VAT1L: variants seen among roughly 807,000 people sequenced by gnomAD.
VAT1L encodes the protein vesicle amine transport 1 like.
Under a neutral mutation model 44.1 loss-of-function variants are expected in VAT1L, and 34 were observed. The observed-to-expected ratio is 0.77, with a 90% confidence interval of 0.59 to 1.03. VAT1L has a LOEUF of 1.03. Ranked by LOEUF, VAT1L falls within the 50% of genes least tolerant of loss-of-function variation. VAT1L has a pLI of 0.00. For missense variants in VAT1L, 615 were observed against 538.8 expected (o/e 1.14, Z -1.40); for synonymous variants, 253 against 202.2 (o/e 1.25, Z -2.13).
rs182039705 is a variant in VAT1L at position 77,803,078 on chromosome 16, C to T, written c.234-13843C>T. Among the ~76,000 whole-genome samples, 543 of 152,260 alleles carry T rather than the reference C, an allele frequency of 3.6e-3. 7 individuals are homozygous for T. Among genetic ancestry groups the T allele is most frequent in the Non-Finnish European group, 8.8e-4 (60 of 68,022 alleles). ...TATTGTTTGCCAGCCTTTAATGTGC[C>T]CTGTGCTAAGCACTGAACATTGAAA... On this transcript the variant is annotated intron_variant, in intron 1 of 8. Transcript: ENST00000302536.
At chr16:77,825,530 A>G (rs1178653749) in intron 3 of VAT1L, 69 bp downstream of exon 3, 18 of 1,506,758 alleles carry the variant, frequency 1.2e-5, no homozygotes, top group Non-Finnish European at 1.4e-5. Flanking sequence ...CACCCCCCTG[A>G]GGTCTTATGT....
chr16:77,887,294 A>T (rs1214610021), intron 7 of VAT1L, among the ~76,000 whole-genome samples: 1 of 152,178 alleles, frequency 6.6e-6, no homozygotes, highest in Non-Finnish European at 1.5e-5. Flanking sequence ...TCTAAGCAGC[A>T]GGGGGCTGCT....
chr16:77,796,264 C>T (rs893533748), intron 1 of VAT1L, among the ~76,000 whole-genome samples: 3 of 152,192 alleles, frequency 2.0e-5, no homozygotes, highest in African/African-American at 7.2e-5. Context: ...AAACCAATGT[C>T]AGGTAGCTGA....
At chr16:77,802,384 AG>A (rs369904380) in intron 1 of VAT1L, among the ~76,000 whole-genome samples, 2 of 152,064 alleles carry the variant, frequency 1.3e-5, no homozygotes, top group Non-Finnish European at 2.9e-5. Flanking sequence ...TGGGAGGGCA[AG>A]GGGGGTGGAG....
chr16:77,814,963 T>G (rs1193250802), intron 1 of VAT1L, among the ~76,000 whole-genome samples: 2 of 152,230 alleles, frequency 1.3e-5, no homozygotes, highest in Admixed American at 6.5e-5. Flanking sequence ...ATGTCAGTGC[T>G]TTATGTGCAT....
Position 77,879,361 on chromosome 16 carries a change from G to T in VAT1L, c.882+137G>T. 1.1e-6 allele frequency: 1 copy of T among 904,660 alleles called. No homozygotes were observed. Among genetic ancestry groups the T allele is most frequent in the African/African-American group, 1.7e-5 (1 of 60,202 alleles). 56.0% of individuals were successfully genotyped at this position (904,660 alleles called of 1,614,324 possible). On this transcript the variant is annotated intron_variant, in intron 6 of 8. Coordinates refer to ENST00000302536, the MANE Select transcript of VAT1L (RefSeq NM_020927.3). The surrounding 1 kb of genome is among the most constrained non-coding windows in gnomAD (Gnocchi z 4.1). Reference sequence around the variant, plus strand: ...GCTGGAGTGCAATGGCACGATCTCGGCTCATGGCAACCTCCGACTCCCTGG... The same window carrying T: ...GCTGGAGTGCAATGGCACGATCTCGTCTCATGGCAACCTCCGACTCCCTGG...
At chr16:77,967,217 C>A (rs558763603) in intron 7 of VAT1L, among the ~76,000 whole-genome samples, 2 of 152,170 alleles carry the variant, frequency 1.3e-5, no homozygotes, top group Non-Finnish European at 2.9e-5. Context: ...GTTCTCACCA[C>A]CTTTCAGATG....
At chr16:77,923,955 C>T (rs763556206) in intron 7 of VAT1L, among the ~76,000 whole-genome samples, 35 of 152,064 alleles carry the variant, frequency 2.3e-4, no homozygotes, top group Non-Finnish European at 3.7e-4. Flanking sequence ...GCCTTCCCCC[C>T]CTCCCTTCCC....
intron 7 of VAT1L, among the ~76,000 whole-genome samples, chr16:77,959,066 C>A (rs1347640028): frequency 6.6e-6 from 1 of 152,202 alleles, no homozygotes; most frequent in Admixed American, 6.5e-5. Context: ...AGGTGCTGAT[C>A]CTGCACTTGT....
intron 3 of VAT1L, among the ~76,000 whole-genome samples, chr16:77,830,674 C>T (rs2016569304): frequency 6.6e-6 from 1 of 152,120 alleles, no homozygotes; most frequent in Non-Finnish European, 1.5e-5. Context: ...ACTGTGAGTC[C>T]ATTAAACCTC....
At chr16:77,973,390 T>C (rs914442456) in intron 8 of VAT1L, among the ~76,000 whole-genome samples, 1 of 151,694 alleles carries the variant, frequency 6.6e-6, no homozygotes, top group Non-Finnish European at 1.5e-5. Context: ...GTTCAAGCGA[T>C]TCTCCTGCCT....
intron 1 of VAT1L, among the ~76,000 whole-genome samples, chr16:77,803,248 A>T (rs1597166532): frequency 6.6e-6 from 1 of 152,112 alleles, no homozygotes; most frequent in African/African-American, 2.4e-5. Flanking sequence ...CCTTAGTCAC[A>T]CTAGTTACAT....
intron 3 of VAT1L, 71 bp downstream of exon 3, chr16:77,825,532 G>C: frequency 6.7e-7 from 1 of 1,498,906 alleles, no homozygotes; most frequent in South Asian, 1.2e-5. Context: ...CCCCCCTGAG[G>C]TCTTATGTGA....
In VAT1L at chr16:77,962,575, C is replaced by T. The variant is rs761015281; in HGVS notation, c.1078-9275C>T. 2.4e-4 allele frequency among the ~76,000 whole-genome samples: 16 copies of T among 66,374 alleles called. 1 individual carries two copies. Among genetic ancestry groups the T allele is most frequent in the South Asian group, 7.0e-4 (1 of 1,434 alleles). 43.5% of individuals were successfully genotyped at this position (66,374 alleles called of 152,430 possible). A position where few individuals can be genotyped will look rare whatever the true frequency, so the allele number is the denominator to read the frequency against. On this transcript the variant is annotated intron_variant, in intron 7 of 8. Coordinates refer to ENST00000302536, the MANE Select transcript of VAT1L (RefSeq NM_020927.3). ...TCGAGTATATCATAGGCGGGACCAT[C>T]CTATAATCCTATAAGGAAAGAAATA...
intron 4 of VAT1L, among the ~76,000 whole-genome samples, chr16:77,870,457 T>C (rs2142448862): frequency 6.6e-6 from 1 of 152,312 alleles, no homozygotes; most frequent in African/African-American, 2.4e-5. Context: ...GGTTTCTCTC[T>C]AAGTACCGCC....
In VAT1L at chr16:77,788,573, C is replaced by A; in HGVS notation, c.-110C>A. On this transcript the variant is annotated 5_prime_UTR_variant, in exon 1 of 9. Transcript: ENST00000302536. ...CGCAGAGGCTGCAGCCATTGCACAG[C>A]CGAGCATCCCACATTCAACAGGAGG... 2 of 1,277,934 alleles carry A rather than the reference C, an allele frequency of 1.6e-6. No individual in the cohort carries two copies. Among genetic ancestry groups the A allele is most frequent in the Non-Finnish European group, 1.1e-6 (1 of 926,662 alleles). 79.2% of individuals were successfully genotyped at this position (1,277,934 alleles called of 1,614,324 possible). A position where few individuals can be genotyped will look rare whatever the true frequency, so the allele number is the denominator to read the frequency against.
chr16:77,834,164 C>G (rs183978402), intron 3 of VAT1L, among the ~76,000 whole-genome samples: 1 of 152,194 alleles, frequency 6.6e-6, no homozygotes, highest in African/African-American at 2.4e-5. Flanking sequence ...TGGACACACA[C>G]GGCTCTCATT....
intron 7 of VAT1L, among the ~76,000 whole-genome samples, chr16:77,907,825 G>A (rs990518987): frequency 1.3e-5 from 2 of 152,136 alleles, no homozygotes; most frequent in African/African-American, 4.8e-5. Flanking sequence ...TCTATCAAAA[G>A]CAAAAGCCCT....
At chr16:77,796,710 A>G (rs13330130) in intron 1 of VAT1L, among the ~76,000 whole-genome samples, 33,493 of 152,172 alleles carry the variant, frequency 0.22, 4,449 homozygotes, top group African/African-American at 0.37. Flanking sequence ...ATACAGAACT[A>G]GGACATGAAT....
Sources: allele counts gnomAD v4.1 joint callset (sites outside exome capture counted in the v4.1 genomes callset), GRCh38; gene constraint gnomAD v4.1.1; non-coding constraint Gnocchi (gnomAD v3.1); transcripts MANE v1.5; gene names NCBI Gene and HGNC (gene_info 2026-07-23, HGNC 2026-07-21).